Variants in HAUS3 observed in about 807,000 individuals in gnomAD.
HAUS3 encodes HAUS augmin like complex subunit 3, also known as HAUS augmin-like complex subunit 3.
A neutral mutation model predicts 55.2 loss-of-function variants in HAUS3; 36 were observed. The observed-to-expected ratio is 0.65, with a 90% CI of 0.50 to 0.86. The LOEUF (loss-of-function observed/expected upper bound fraction) is 0.86. Among genes scored for constraint, HAUS3 ranks in the 40% least tolerant of loss-of-function variants. The pLI, the probability that HAUS3 is intolerant of heterozygous loss-of-function variation, is 0.00. For missense variants in HAUS3, 752 were observed against 671.5 expected, an observed-to-expected ratio of 1.12 and a Z score of -1.33; for synonymous variants, 234 against 238.6, an observed-to-expected ratio of 0.98 and a Z score of 0.18.
chr4:2,240,652 G>A lies in HAUS3; in HGVS notation c.295C>T (p.Leu99=). 1.2e-6 allele frequency: 2 copies of A among 1,613,826 alleles called. No individual in the cohort carries two copies. The highest frequency in any genetic ancestry group is 1.7e-6 in the Non-Finnish European group (2 of 1,179,980). Residue 99 remains leucine, a synonymous_variant, in exon 3 of 6, where the codon CTG becomes TTG. Coordinates refer to ENST00000443786, the MANE Select transcript of HAUS3 (RefSeq NM_001303143.2). ...LKTPRLDDKE[L]EKLEDEVQTL... ...TGAACCTCATCCTCTAATTTCTCCAGCTCTTTATCATCCAGTCTAGGTGTC... is the reference window on the plus strand; with the variant it reads ...TGAACCTCATCCTCTAATTTCTCCAACTCTTTATCATCCAGTCTAGGTGTC...
In HAUS3 at chr4:2,240,808, C is replaced by A; in HGVS notation, c.139G>T (p.Val47Leu). The change falls in exon 3 of 6, where the codon GTG (valine) becomes TTG (leucine). Residue 47 changes from valine to leucine, a missense_variant. Val to Leu is a conservative substitution (Grantham distance 32). Transcript: ENST00000443786. ...TCAGACAACACGTTCTGTTCATTCACATTCCCACAAAACCACTTCAGAAAC... is the reference window on the plus strand; with the variant it reads ...TCAGACAACACGTTCTGTTCATTCAAATTCCCACAAAACCACTTCAGAAAC... ...ESFLKWFCGN[V>L]NEQNVLSERE... is the part of the protein sequence containing the mutation. 1 of 1,613,910 alleles carries A rather than the reference C, an allele frequency of 6.2e-7. No individual in the cohort carries two copies. Among genetic ancestry groups the A allele is most frequent in the African/African-American group, 1.3e-5 (1 of 75,036 alleles).
chr4:2,236,442 A>G lies in HAUS3; in HGVS notation c.1364T>C (p.Leu455Ser). Residue 455 changes from leucine (L) to serine (S), a missense_variant, in exon 5 of 6, where the codon TTG (leucine) becomes TCG (serine). Coordinates refer to ENST00000443786, the MANE Select transcript of HAUS3 (RefSeq NM_001303143.2). The stretch of plus-strand genomic sequence containing the variant: ...TTCTTTTTTCTTATTCTCTCCCTCC[A>G]AAACTTGGTAAAGCCTGAAATGTAA... ...DYSTHRLYQV[L>S]EGENKKKELF... is the part of the protein sequence containing the mutation. 1 of 1,607,786 alleles carries G rather than the reference A, an allele frequency of 6.2e-7. No homozygotes were observed. Among genetic ancestry groups the G allele is most frequent in the Non-Finnish European group, 8.5e-7 (1 of 1,174,968 alleles).
intron 3 of HAUS3, among the ~76,000 whole-genome samples, chr4:2,239,638 G>T (rs1269464405): frequency 6.6e-6 from 1 of 152,146 alleles, no homozygotes; most frequent in African/African-American, 2.4e-5. Context: ...TACTGAACCT[G>T]GACCTCTGAC....
rs192282218 is a variant in HAUS3 at position 2,238,513 on chromosome 4, A to C, written c.1349+91T>G. The stretch of plus-strand genomic sequence containing the variant: ...CAAAAGTGAAATGCAAAGAATTGTT[A>C]AAAACTTCCAAAATTTTAGCTCAAA... On this transcript the variant is annotated intron_variant, in intron 4 of 5. Transcript: ENST00000443786. 6.3e-4 allele frequency: 505 copies of C among 803,900 alleles called. 4 individuals are homozygous for C. In the African/African-American group the frequency reaches 8.0e-3, roughly 13 times the overall value. The allele number at this position is 803,900 out of a possible 1,614,324, so 49.8% of individuals were successfully genotyped here. A position where few individuals can be genotyped will look rare whatever the true frequency, so the allele number is the denominator to read the frequency against.
Position 2,231,803 on chromosome 4 carries a change from G to A in HAUS3, c.*124C>T, listed in dbSNP as rs1734587672. On this transcript the variant is annotated 3_prime_UTR_variant, in exon 6 of 6. Coordinates refer to ENST00000443786, the MANE Select transcript of HAUS3 (RefSeq NM_001303143.2). ...AGAAAAAAGACAAATTAATATAATA[G>A]TTCAATTCATCAAATTAAATGTTCC... is the stretch of plus-strand genomic sequence containing the variant. 1.0e-5 allele frequency: 6 copies of A among 598,224 alleles called. No individual in the cohort carries two copies. The highest frequency in any genetic ancestry group is 1.8e-5 in the Non-Finnish European group (6 of 337,572). 37.1% of individuals were successfully genotyped at this position (598,224 alleles called of 1,614,324 possible).
intron 4 of HAUS3, among the ~76,000 whole-genome samples, chr4:2,237,924 G>C (rs1037627012): frequency 7.2e-5 from 11 of 152,208 alleles, no homozygotes; most frequent in Admixed American, 2.6e-4. Context: ...AATTCCAGGG[G>C]TATCATTCAC....
At chr4:2,239,289 CTTA>C (rs1317400455) in intron 3 of HAUS3, among the ~76,000 whole-genome samples, 3 of 152,146 alleles carry the variant, frequency 2.0e-5, no homozygotes, top group East Asian at 3.8e-4. Context: ...AAATAGAGAT[CTTA>C]TTATACTTCT....
chr4:2,240,723 G>A lies in HAUS3; in HGVS notation c.224C>T (p.Ala75Val), dbSNP rs148212034. The A allele has an allele frequency of 2.3e-4, 364 of 1,613,810 alleles. 3 individuals are homozygous for A. In the Middle Eastern group the frequency reaches 9.4e-3, roughly 42 times the overall value. The change falls in exon 3 of 6, where the codon GCG (alanine) becomes GTG (valine). Residue 75 changes from alanine (A) to valine (V), a missense_variant. Transcript: ENST00000443786. ...QKSGKPILEGAALDEALKTCK... is the reference protein window; with the variant it reads ...QKSGKPILEGVALDEALKTCK... Reference sequence around the variant, plus strand: ...CGTTTTAAGAGCTTCATCCAATGCCGCCCCTTCTAGAATAGGCTTGCCTGA... The same window carrying A: ...CGTTTTAAGAGCTTCATCCAATGCCACCCCTTCTAGAATAGGCTTGCCTGA...
Position 2,232,141 on chromosome 4 carries a change from T to C in HAUS3, c.1598A>G (p.His533Arg). Residue 533 changes from histidine to arginine, a missense_variant, in exon 6 of 6, where the codon CAT (histidine) becomes CGT (arginine). Physicochemically the swap from His to Arg is conservative, Grantham distance 29. Transcript: ENST00000443786. The stretch of plus-strand genomic sequence containing the variant: ...CTTATTCAGTTGAGATTCAACTTTA[T>C]GAAACTGCTCTGTTAACTCCTAAAA... ...LSDQELTEQF[H>R]KVESQLNKLN... is the part of the protein sequence containing the mutation. The C allele has an allele frequency of 6.4e-7, 1 of 1,554,460 alleles. No homozygotes were observed. Among genetic ancestry groups the C allele is most frequent in the Admixed American group, 2.0e-5 (1 of 50,254 alleles).
rs1185861181 is a variant in HAUS3 at position 2,240,131 on chromosome 4, A to G, written c.816T>C (p.Ala272=). 3 of 1,613,942 alleles carry G rather than the reference A, an allele frequency of 1.9e-6. No homozygotes were observed. Among genetic ancestry groups the G allele is most frequent in the Admixed American group, 1.7e-5 (1 of 60,028 alleles). The change falls in exon 3 of 6, where the codon GCT becomes GCC. Residue 272 remains alanine (A), a synonymous_variant. Coordinates refer to ENST00000443786, the MANE Select transcript of HAUS3 (RefSeq NM_001303143.2). The stretch of plus-strand genomic sequence containing the variant: ...CTTTTAAGTGAATTAACTGATGTTG[A>G]GCACAAATGTATGCGAGCTGCAGTC... The part of the protein sequence containing the change: ...MARLQLAYIC[A]QHQLIHLKAS...
intron 4 of HAUS3, 46 bp from the exon 5 acceptor site, chr4:2,236,502 T>C (rs1486136251): frequency 1.5e-6 from 2 of 1,352,532 alleles, no homozygotes; most frequent in East Asian, 2.3e-5. Flanking sequence ...ATCAAGTCAG[T>C]ATCATTTTCA....
intron 5 of HAUS3, among the ~76,000 whole-genome samples, chr4:2,233,889 T>C (rs1455625981): frequency 2.6e-5 from 4 of 151,366 alleles, no homozygotes; most frequent in African/African-American, 9.8e-5. Context: ...TATAAACTCC[T>C]TTAAAAAGCA....
Position 2,240,096 on chromosome 4 carries a change from G to C in HAUS3, c.851C>G (p.Ser284Trp), listed in dbSNP as rs756388678. The C allele has an allele frequency of 6.2e-7, 1 of 1,613,942 alleles. No individual in the cohort carries two copies. The change falls in exon 3 of 6, where the codon TCG (serine) becomes TGG (tryptophan). Residue 284 changes from serine to tryptophan, a missense_variant. Physicochemically the swap from Ser to Trp is radical, Grantham distance 177 (BLOSUM62 -3). Coordinates refer to ENST00000443786, the MANE Select transcript of HAUS3 (RefSeq NM_001303143.2). ...HQLIHLKASN[S>W]SMKSSIKWAE... is the part of the protein sequence containing the mutation. The stretch of plus-strand genomic sequence containing the variant: ...CCATTTTATACTTGACTTCATGCTC[G>C]AATTACTTGCTTTTAAGTGAATTAA...
chr4:2,239,186 T>A lies in HAUS3; in HGVS notation c.910-143A>T, dbSNP rs1402729459. ...ATTTAATATTCATATAAACAAAAAT[T>A]ACAGTTTAAAAGGGAAAAATGTGGA... is the stretch of plus-strand genomic sequence containing the variant. On this transcript the variant is annotated intron_variant, in intron 3 of 5. Coordinates refer to ENST00000443786, the MANE Select transcript of HAUS3 (RefSeq NM_001303143.2). 1.6e-5 allele frequency: 8 copies of A among 515,596 alleles called. No homozygotes were observed. The African/African-American group carries it at 1.6e-4, about 10-fold the overall frequency. 31.9% of individuals were successfully genotyped at this position (515,596 alleles called of 1,614,324 possible).
Position 2,240,214 on chromosome 4 carries a change from T to G in HAUS3, c.733A>C (p.Thr245Pro). 1 of 1,613,836 alleles carries G rather than the reference T, an allele frequency of 6.2e-7. No homozygotes were observed. The highest frequency in any genetic ancestry group is 8.5e-7 in the Non-Finnish European group (1 of 1,179,826). ...EDNFQLLDIQTPSICDNQEIL... is the reference protein window; with the variant it reads ...EDNFQLLDIQPPSICDNQEIL... ...TCTTGATTATCACAAATAGATGGTG[T>G]CTGTATATCTAAAAGTTGAAAATTG... Residue 245 changes from threonine (T) to proline (P), a missense_variant, in exon 3 of 6, where the codon ACA (threonine) becomes CCA (proline). By Grantham distance (38) the Thr-to-Pro change is conservative. Coordinates refer to ENST00000443786, the MANE Select transcript of HAUS3 (RefSeq NM_001303143.2).
chr4:2,238,107 C>T (rs189444317), intron 4 of HAUS3, among the ~76,000 whole-genome samples: 3 of 152,238 alleles, frequency 2.0e-5, no homozygotes, highest in East Asian at 1.9e-4. Flanking sequence ...TTTAGCCCTC[C>T]AATTTTCAGT....
At chr4:2,239,180 A>G in intron 3 of HAUS3, 137 bp from the exon 4 acceptor site, 4 of 518,474 alleles carry the variant, frequency 7.7e-6, no homozygotes, top group Non-Finnish European at 9.8e-6. Context: ...TCATATAAAC[A>G]AAAATTACAG....
chr4:2,231,743 C>T lies in HAUS3; in HGVS notation c.*184G>A. The T allele has an allele frequency of 4.4e-6, 2 of 452,500 alleles. No individual in the cohort carries two copies. Among genetic ancestry groups the T allele is most frequent in the Admixed American group, 4.5e-5 (1 of 22,406 alleles). The allele number at this position is 452,500 out of a possible 1,614,324, so 28.0% of individuals were successfully genotyped here. A position where few individuals can be genotyped will look rare whatever the true frequency, so the allele number is the denominator to read the frequency against. On this transcript the variant is annotated 3_prime_UTR_variant, in exon 6 of 6. Transcript: ENST00000443786. ...AGTACCACTAAACACATGCTCAAGT[C>T]ATAAAAAGCACTGGTATTCTGAATG...
rs117602484 is a variant in HAUS3, at chr4:2,232,166, A to G, written c.1579-6T>C. ...TGAAACTGCTCTGTTAACTCCTAAA[A>G]AAGGAAAATAAAAATAAAAATTAAA... On this transcript the variant is annotated splice_region_variant and splice_polypyrimidine_tract_variant and intron_variant, in intron 5 of 5. Coordinates refer to ENST00000443786, the MANE Select transcript of HAUS3 (RefSeq NM_001303143.2). 1.7e-3 allele frequency: 2,206 copies of G among 1,302,740 alleles called. 19 individuals are homozygous for G. The East Asian group carries it at 0.019, about 11-fold the overall frequency. 80.7% of individuals were successfully genotyped at this position (1,302,740 alleles called of 1,614,324 possible). A position where few individuals can be genotyped will look rare whatever the true frequency, so the allele number is the denominator to read the frequency against.
Sources: allele counts gnomAD v4.1 joint callset (sites outside exome capture counted in the v4.1 genomes callset), GRCh38; gene constraint gnomAD v4.1.1; transcripts MANE v1.5; gene names NCBI Gene and HGNC (gene_info 2026-07-23, HGNC 2026-07-21).